HSDL1: variants seen among roughly 807,000 people sequenced by gnomAD.
HSDL1 encodes the protein inactive hydroxysteroid dehydrogenase-like protein 1.
HSDL1 carries 29 observed loss-of-function variants against 31.5 expected under a neutral mutation model. The observed-to-expected ratio is 0.92, with a 90% CI of 0.69 to 1.26. The LOEUF (loss-of-function observed/expected upper bound fraction) is 1.26. HSDL1 is among the 50% of genes most tolerant of loss of function. The pLI is 0.00. For missense variants in HSDL1, 503 were observed against 416.6 expected (o/e 1.21, Z -1.81); for synonymous variants, 222 against 155.2 (o/e 1.43, Z -3.20).
At chr16:84,136,475 C>T (rs1052658064) in intron 1 of HSDL1, among the ~76,000 whole-genome samples, 1 of 152,280 alleles carries the variant, frequency 6.6e-6, no homozygotes, top group Non-Finnish European at 1.5e-5. Flanking sequence ...AAGTCTCTGG[C>T]TGCAGCTCAC....
intron 2 of HSDL1, among the ~76,000 whole-genome samples, chr16:84,134,253 G>A (rs778332978): frequency 1.3e-5 from 2 of 152,116 alleles, no homozygotes; most frequent in Non-Finnish European, 1.5e-5. Context: ...CACACTGGCT[G>A]TAGCCCTTGA....
intron 1 of HSDL1, chr16:84,144,163 T>C (rs1428024625): frequency 6.6e-6 from 1 of 151,856 alleles, no homozygotes; most frequent in Non-Finnish European, 1.5e-5. Flanking sequence ...TTTATTCCTA[T>C]TGTCTCACTT....
chr16:84,131,200 A>G lies in HSDL1; in HGVS notation c.122T>C (p.Ile41Thr). 1 of 1,614,124 alleles carries G rather than the reference A, an allele frequency of 6.2e-7. No homozygotes were observed. The highest frequency in any genetic ancestry group is 1.1e-5 in the South Asian group (1 of 91,082). Residue 41 changes from isoleucine (I) to threonine (T), a missense_variant, in exon 3 of 6, where the codon ATC (isoleucine) becomes ACC (threonine). Coordinates refer to ENST00000219439, the MANE Select transcript of HSDL1 (RefSeq NM_031463.5). ...WYTARKSITVICDFYSLIRLH... is the reference protein window; with the variant it reads ...WYTARKSITVTCDFYSLIRLH... ...CCTGATCAGGCTGTAAAAGTCACAG[A>G]TGACAGTGATGCTTTTTCTGGCCGT... is the stretch of plus-strand genomic sequence containing the variant.
chr16:84,142,675 A>G (rs1450070164), intron 1 of HSDL1, among the ~76,000 whole-genome samples: 1 of 151,406 alleles, frequency 6.6e-6, no homozygotes, highest in Non-Finnish European at 1.5e-5. Context: ...TGAACTCCTG[A>G]CCTTGTGATC....
At chr16:84,136,201 C>A (rs2086710866) in intron 1 of HSDL1, among the ~76,000 whole-genome samples, 1 of 152,256 alleles carries the variant, frequency 6.6e-6, no homozygotes, top group Non-Finnish European at 1.5e-5. Flanking sequence ...AATCTCCTGG[C>A]AGGGTGGCAG....
rs1297048377 is a variant in HSDL1 at position 84,130,259 on chromosome 16, C to A, written c.393G>T (p.Glu131Asp). 6.2e-7 allele frequency: 1 copy of A among 1,614,228 alleles called. No homozygotes were observed. The highest frequency in any genetic ancestry group is 1.7e-5 in the Admixed American group (1 of 60,020). ...GGGCTTCTCGAATTGGAAGGTAGAT[C>A]TCACGACCGCTGCTGAAGTCCGCAA... Reference protein sequence around the residue: ...IIVADFSSGREIYLPIREALK... With the variant: ...IIVADFSSGRDIYLPIREALK... Residue 131 changes from glutamate to aspartate, a missense_variant, in exon 4 of 6, where the codon GAG becomes GAT. By Grantham distance (45) the Glu-to-Asp change is conservative. Coordinates refer to ENST00000219439, the MANE Select transcript of HSDL1 (RefSeq NM_031463.5).
intron 5 of HSDL1, among the ~76,000 whole-genome samples, chr16:84,129,283 G>A (rs922678758): frequency 1.4e-4 from 21 of 152,146 alleles, no homozygotes; most frequent in African/African-American, 5.1e-4. Context: ...GGGAAGCTGA[G>A]GCAGGAGAAT....
rs2086573382 is a variant in HSDL1, at chr16:84,123,388, G to A, written c.*1242C>T. 1 of 152,162 alleles carries A rather than the reference G, an allele frequency of 6.6e-6. No individual in the cohort carries two copies. Among genetic ancestry groups the A allele is most frequent in the Non-Finnish European group, 1.5e-5 (1 of 68,032 alleles). The allele number at this position is 152,162 out of a possible 1,614,324, so 9.4% of individuals were successfully genotyped here. On this transcript the variant is annotated 3_prime_UTR_variant, in exon 6 of 6. Coordinates refer to ENST00000219439, the MANE Select transcript of HSDL1 (RefSeq NM_031463.5). ...GTGCACATATTGTCATATTCATATA[G>A]TGACTTAGAGTTTTCAAAGCACTAG...
At chr16:84,138,909 C>T (rs181885839) in intron 1 of HSDL1, among the ~76,000 whole-genome samples, 2 of 152,306 alleles carry the variant, frequency 1.3e-5, no homozygotes, top group East Asian at 3.9e-4. Flanking sequence ...AACATGATCC[C>T]ACTCCACAGT....
In HSDL1 at chr16:84,123,076, T is replaced by C. The variant is rs911235329; in HGVS notation, c.*1554A>G. The stretch of plus-strand genomic sequence containing the variant: ...ATTCCAAGCAAACTCCATCAAAACC[T>C]TGGGGCTCACAGCATCTCCCAGTGT... On this transcript the variant is annotated 3_prime_UTR_variant, in exon 6 of 6. Transcript: ENST00000219439. 1 of 152,174 alleles carries C rather than the reference T, an allele frequency of 6.6e-6. No homozygotes were observed. Among genetic ancestry groups the C allele is most frequent in the Non-Finnish European group, 1.5e-5 (1 of 68,038 alleles). The allele number at this position is 152,174 out of a possible 1,614,324, so 9.4% of individuals were successfully genotyped here.
chr16:84,138,159 A>T (rs2086730354), intron 1 of HSDL1, among the ~76,000 whole-genome samples: 1 of 152,358 alleles, frequency 6.6e-6, no homozygotes, highest in Non-Finnish European at 1.5e-5. Flanking sequence ...ATAGCAGCTC[A>T]AAACCAACTA....
At chr16:84,127,071 A>C (rs2086614872) in intron 5 of HSDL1, among the ~76,000 whole-genome samples, 1 of 152,158 alleles carries the variant, frequency 6.6e-6, no homozygotes, top group African/African-American at 2.4e-5. Flanking sequence ...CATCTACTGC[A>C]CCTAAACCTG....
In HSDL1 at chr16:84,133,825, A is replaced by T. The variant is rs575826099; in HGVS notation, c.-7+1719T>A. ...GTCCACTGGGGCTCTGTGCACAGAAACTCACCTCCCACAATGAGAATGCCA... is the reference window on the plus strand; with the variant it reads ...GTCCACTGGGGCTCTGTGCACAGAATCTCACCTCCCACAATGAGAATGCCA... On this transcript the variant is annotated intron_variant, in intron 2 of 5. Transcript: ENST00000219439. Among the ~76,000 whole-genome samples the T allele has an allele frequency of 7.0e-4, 107 of 152,174 alleles. 1 individual carries two copies. The highest frequency in any genetic ancestry group is 3.5e-4 in the Non-Finnish European group (24 of 68,026).
rs1016307692 is a variant in HSDL1, at chr16:84,122,962, C to T, written c.*1668G>A. 1 of 152,198 alleles carries T rather than the reference C, an allele frequency of 6.6e-6. No homozygotes were observed. The highest frequency in any genetic ancestry group is 2.4e-5 in the African/African-American group (1 of 41,448). 9.4% of individuals were successfully genotyped at this position (152,198 alleles called of 1,614,324 possible). On this transcript the variant is annotated 3_prime_UTR_variant, in exon 6 of 6. Transcript: ENST00000219439. ...GACATTACTGGACCACGTAACCTTA[C>T]ATATAACTACCTGACCATATTTTCA...
chr16:84,136,996 A>G lies in HSDL1; in HGVS notation c.-68-1391T>C, dbSNP rs954069497. ...CAACACAGCGAAGAGGCCTAAACAC[A>G]CACGGTCACTGGTCCTACAGTCTCT... On this transcript the variant is annotated intron_variant, in intron 1 of 5. Transcript: ENST00000219439. Among the ~76,000 whole-genome samples, 3 of 152,304 alleles carry G rather than the reference A, an allele frequency of 2.0e-5. No individual in the cohort carries two copies. In the East Asian group the frequency reaches 5.8e-4, roughly 29 times the overall value.
chr16:84,132,745 G>A (rs2086680175), intron 2 of HSDL1, among the ~76,000 whole-genome samples: 1 of 152,128 alleles, frequency 6.6e-6, no homozygotes, highest in Non-Finnish European at 1.5e-5. Context: ...TGGGGGGTCT[G>A]GCCACAGACC....
At chr16:84,129,500 G>T in intron 5 of HSDL1, 48 bp downstream of exon 5, 1 of 1,281,050 alleles carries the variant, frequency 7.8e-7, no homozygotes, top group Non-Finnish European at 1.1e-6. Context: ...CACTGAGATA[G>T]GTTCATGATG....
intron 5 of HSDL1, among the ~76,000 whole-genome samples, chr16:84,125,895 A>G (rs2086601661): frequency 6.6e-6 from 1 of 152,204 alleles, no homozygotes; most frequent in Non-Finnish European, 1.5e-5. Context: ...TGAGGTCAGG[A>G]GATCGAGACC....
intron 1 of HSDL1, among the ~76,000 whole-genome samples, 196 bp downstream of exon 1, chr16:84,144,884 G>A (rs1449746304): frequency 6.6e-6 from 1 of 151,778 alleles, no homozygotes; most frequent in Non-Finnish European, 1.5e-5. Context: ...ACGGGACGGA[G>A]GGACGAAGAT....
Sources: allele counts gnomAD v4.1 joint callset (sites outside exome capture counted in the v4.1 genomes callset), GRCh38; gene constraint gnomAD v4.1.1; transcripts MANE v1.5; gene names NCBI Gene and HGNC (gene_info 2026-07-23, HGNC 2026-07-21).